The following VPS13C variants were observed in gnomAD, a reference collection of about 807,000 sequenced individuals.
VPS13C encodes intermembrane lipid transfer protein VPS13C.
In VPS13C, 358 loss-of-function variants were observed where a neutral mutation model predicts 456.8. The ratio of observed to expected loss-of-function variants is 0.78; its 90% CI spans 0.72 to 0.86. The LOEUF (loss-of-function observed/expected upper bound fraction) is 0.86. VPS13C is among the 40% of genes least tolerant of loss of function. The probability of loss-of-function intolerance (pLI) is 0.00; values close to 1 mark genes in which losing one functional copy is unlikely to be tolerated. For missense variants in VPS13C, 4,818 were observed against 4,385.4 expected, an observed-to-expected ratio of 1.10 and a Z score of -2.79; for synonymous variants, 1,578 against 1,486.7, an observed-to-expected ratio of 1.06 and a Z score of -1.41.
intron 6 of VPS13C, among the ~76,000 whole-genome samples, chr15:62,025,528 A>G (rs1480683510): frequency 6.6e-6 from 1 of 152,220 alleles, no homozygotes; most frequent in East Asian, 1.9e-4. Context: ...ACAGCTTTCA[A>G]AGACATAGAC....
At chr15:62,041,245 T>C in intron 3 of VPS13C, 79 bp downstream of exon 3, 3 of 1,468,360 alleles carry the variant, frequency 2.0e-6, no homozygotes, top group Non-Finnish European at 2.8e-6. Context: ...TAATCAAAGA[T>C]TTTTTTAGGT....
chr15:62,018,128 A>G (rs1400657505), intron 9 of VPS13C, among the ~76,000 whole-genome samples: 3 of 152,146 alleles, frequency 2.0e-5, no homozygotes, highest in Non-Finnish European at 4.4e-5. Flanking sequence ...ATTTTTGCAC[A>G]TTGATTTTGT....
At chr15:61,931,441 T>C (rs2044052710) in intron 49 of VPS13C, among the ~76,000 whole-genome samples, 182 bp from the exon 50 acceptor site, 1 of 152,258 alleles carries the variant, frequency 6.6e-6, no homozygotes, top group Non-Finnish European at 1.5e-5. Context: ...TACCTGTACA[T>C]ACAAATAAAT....
chr15:61,984,138 C>T, intron 19 of VPS13C, 126 bp from the exon 20 acceptor site: 2 of 813,674 alleles, frequency 2.5e-6, no homozygotes, highest in Non-Finnish European at 3.7e-6. Flanking sequence ...TTATCCAGAG[C>T]TGAAGCTCAA....
rs776315246 is a variant in VPS13C, at chr15:61,974,301, G to C, written c.2525C>G (p.Ser842Cys). 2 of 1,611,502 alleles carry C rather than the reference G, an allele frequency of 1.2e-6. No individual in the cohort carries two copies. Among genetic ancestry groups the C allele is most frequent in the East Asian group, 2.2e-5 (1 of 44,716 alleles). The change falls in exon 25 of 85, where the codon TCT becomes TGT. Residue 842 changes from serine (S) to cysteine (C), a missense_variant. Coordinates refer to ENST00000644861, the MANE Select transcript of VPS13C (RefSeq NM_020821.3). ...GTATCTATTTACCTGTCTCTCTGGA[G>C]ACTGGGCTGATGATTTCTGTGGCAA... is the stretch of plus-strand genomic sequence containing the variant. The part of the protein sequence containing the change: ...IPLPQKSSAQ[S>C]PERQVSSIPI...
At chr15:61,975,845 G>C (rs1417048940) in intron 24 of VPS13C, among the ~76,000 whole-genome samples, 1 of 151,812 alleles carries the variant, frequency 6.6e-6, no homozygotes, top group African/African-American at 2.4e-5. Context: ...CAAAATTTTG[G>C]CAAAACAAGT....
At position 61,875,989 on chromosome 15, in the gene VPS13C, A is replaced by G. The variant is rs1017253364; in HGVS notation, c.10225-144T>C. 3.1e-5 allele frequency: 18 copies of G among 578,920 alleles called. 1 individual carries two copies. Among genetic ancestry groups the G allele is most frequent in the Non-Finnish European group, 3.0e-5 (10 of 335,694 alleles). 35.9% of individuals were successfully genotyped at this position (578,920 alleles called of 1,614,324 possible). Reference sequence around the variant, plus strand: ...GGAATAATCACCACTACCTCCACTAATGGATCTTTTACTGTGTGCCAGGCA... The same window carrying G: ...GGAATAATCACCACTACCTCCACTAGTGGATCTTTTACTGTGTGCCAGGCA... On this transcript the variant is annotated intron_variant, in intron 75 of 84. Coordinates refer to ENST00000644861, the MANE Select transcript of VPS13C (RefSeq NM_020821.3).
At position 61,940,649 on chromosome 15, in the gene VPS13C, G is replaced by T; in HGVS notation, c.5599C>A (p.Gln1867Lys). The change falls in exon 47 of 85, where the codon CAG becomes AAG. Residue 1867 changes from glutamine (Q) to lysine (K), a missense_variant and splice_region_variant. This residue lies in a region of VPS13C where 4,552 missense variants were observed against 4,130.6 expected (regional missense o/e 1.10). Transcript: ENST00000644861. ...MEIKGKLKPM[Q>K]VALSEDDLTV... is the part of the protein sequence containing the mutation. ...TATATTATATACTAGCTACTTACCT[G>T]CATAGGTTTTAGTTTTCCTTTTATC... 1 of 1,612,536 alleles carries T rather than the reference G, an allele frequency of 6.2e-7. No homozygotes were observed. The highest frequency in any genetic ancestry group is 2.2e-5 in the East Asian group (1 of 44,822).
intron 79 of VPS13C, among the ~76,000 whole-genome samples, chr15:61,871,484 T>G (rs1363734636): frequency 1.3e-5 from 2 of 152,164 alleles, no homozygotes; most frequent in Admixed American, 1.3e-4. Context: ...CTTATGTTAG[T>G]ACTACACTGT....
Position 61,961,616 on chromosome 15 carries a change from A to G in VPS13C, c.3881T>C (p.Val1294Ala), listed in dbSNP as rs1250585440. 4 of 1,607,604 alleles carry G rather than the reference A, an allele frequency of 2.5e-6. No homozygotes were observed. The highest frequency in any genetic ancestry group is 3.4e-6 in the Non-Finnish European group (4 of 1,176,510). ...LNPPVIDRMDVQLTKLTLYRT... is the reference protein window; with the variant it reads ...LNPPVIDRMDAQLTKLTLYRT... The stretch of plus-strand genomic sequence containing the variant: ...ATAAAGTGTAAGCTTTGTTAGCTGC[A>G]CATCCATTCTATCAATTACTGGAGG... Residue 1294 changes from valine (V) to alanine (A), a missense_variant, in exon 35 of 85, where the codon GTG becomes GCG. Around this residue, in one of 3 missense-constraint regions of VPS13C, gnomAD observed 4,552 missense variants for 4,130.6 expected, o/e 1.10. Coordinates refer to ENST00000644861, the MANE Select transcript of VPS13C (RefSeq NM_020821.3).
Position 61,854,475 on chromosome 15 carries a change from TCTGAGAAGTCTCACTG to T in VPS13C, c.11228_11243del (p.Ser3743TyrfsTer42). 1 of 1,614,146 alleles carries T rather than the reference TCTGAGAAGTCTCACTG, an allele frequency of 6.2e-7. No individual in the cohort carries two copies. Among genetic ancestry groups the T allele is most frequent in the Non-Finnish European group, 8.5e-7 (1 of 1,179,998 alleles). On this transcript the variant is annotated frameshift_variant, in exon 85 of 85. Coordinates refer to ENST00000644861, the MANE Select transcript of VPS13C (RefSeq NM_020821.3). LOFTEE classifies it high-confidence loss of function. ...TCTGTGATTAAGATGGCAATTGGGG[TCTGAGAAGTCTCACTG>T]ATGACTGCTTCATCAATTTTTGCTG...
At chr15:61,882,367 C>T (rs967806743) in intron 69 of VPS13C, among the ~76,000 whole-genome samples, 7 of 152,222 alleles carry the variant, frequency 4.6e-5, no homozygotes, top group African/African-American at 1.7e-4. Flanking sequence ...ATAACAATCT[C>T]AGTGCAAGAA....
chr15:62,013,298 TA>T (rs2140518624), intron 10 of VPS13C, among the ~76,000 whole-genome samples, 179 bp from the exon 11 acceptor site: 1 of 152,158 alleles, frequency 6.6e-6, no homozygotes, highest in South Asian at 2.1e-4. Flanking sequence ...CAGACTTTAT[TA>T]AGTCTAGCAT....
intron 13 of VPS13C, among the ~76,000 whole-genome samples, 200 bp downstream of exon 13, chr15:62,010,272 T>C (rs1219502206): frequency 1.3e-5 from 2 of 152,186 alleles, no homozygotes; most frequent in East Asian, 3.9e-4. Flanking sequence ...TTCTCCACAC[T>C]TTAGGAAAAG....
chr15:61,963,704 C>G, intron 32 of VPS13C, 131 bp downstream of exon 32: 1 of 660,202 alleles, frequency 1.5e-6, no homozygotes. Context: ...AGGAAGCATA[C>G]AATCCAATTA....
At chr15:61,977,596 T>C (rs1291923892) in intron 23 of VPS13C, among the ~76,000 whole-genome samples, 1 of 151,936 alleles carries the variant, frequency 6.6e-6, no homozygotes, top group East Asian at 1.9e-4. Flanking sequence ...ATGGGGTTCC[T>C]AAGTACAATA....
Position 61,852,470 on chromosome 15 carries a change from C to T in VPS13C, c.*1987G>A, listed in dbSNP as rs982960594. ...TACCTCTCAAAGCATTTTTAAAAAACGCATTATTACACTTTACCAATGAAT... is the reference window on the plus strand; with the variant it reads ...TACCTCTCAAAGCATTTTTAAAAAATGCATTATTACACTTTACCAATGAAT... On this transcript the variant is annotated 3_prime_UTR_variant, in exon 85 of 85. Coordinates refer to ENST00000644861, the MANE Select transcript of VPS13C (RefSeq NM_020821.3). 9 of 152,160 alleles carry T rather than the reference C, an allele frequency of 5.9e-5. No homozygotes were observed. The highest frequency in any genetic ancestry group is 2.1e-4 in the South Asian group (1 of 4,832). 9.4% of individuals were successfully genotyped at this position (152,160 alleles called of 1,614,324 possible).
At chr15:61,947,852 A>G (rs7172638) in intron 42 of VPS13C, among the ~76,000 whole-genome samples, 1,662 of 152,310 alleles carry the variant, frequency 0.011, 31 homozygotes, top group African/African-American at 0.038. Context: ...AAATGAACAT[A>G]AAGGGCCAAC....
At position 61,996,994 on chromosome 15, in the gene VPS13C, C is replaced by CATATATATATATAT. The variant is rs956530930; in HGVS notation, c.1353+3569_1353+3570insATATATATATATAT. 3.0e-4 allele frequency among the ~76,000 whole-genome samples: 42 copies of CATATATATATATAT among 142,352 alleles called. 1 individual carries two copies. The highest frequency in any genetic ancestry group is 1.2e-3 in the African/African-American group (42 of 35,996). 93.4% of individuals were successfully genotyped at this position (142,352 alleles called of 152,430 possible). A position where few individuals can be genotyped will look rare whatever the true frequency, so the allele number is the denominator to read the frequency against. On this transcript the variant is annotated intron_variant, in intron 16 of 84. Coordinates refer to ENST00000644861, the MANE Select transcript of VPS13C (RefSeq NM_020821.3). ...CATCCTTGCCTATATATTTTACATA[C>CATATATATATATAT]ATACATATATATATATATGTATAGA... is the stretch of plus-strand genomic sequence containing the variant.
Sources: gnomAD v4.1 joint callset for allele counts (sites outside exome capture counted in the v4.1 genomes callset) on GRCh38, gnomAD v4.1.1 for gene constraint, gnomAD v4.1.1 regional missense constraint, MANE v1.5 for transcripts, NCBI Gene and HGNC (gene_info 2026-07-23, HGNC 2026-07-21) for gene names.